The following KCNH1 variants were observed in gnomAD, a reference collection of about 807,000 sequenced individuals.
The protein encoded by KCNH1 is voltage-gated delayed rectifier potassium channel KCNH1.
In KCNH1, 27 loss-of-function variants were observed where a neutral mutation model predicts 69.2. The observed-to-expected ratio is 0.39, with a 90% confidence interval of 0.29 to 0.54. The LOEUF is 0.54. Ranked by LOEUF, KCNH1 falls within the 20% of genes least tolerant of loss-of-function variation. The pLI is 0.68. For synonymous variants in KCNH1, 456 were observed against 487.7 expected, an observed-to-expected ratio of 0.93 and a Z score of 0.86; for missense variants, 798 against 1,261.6, an observed-to-expected ratio of 0.63 and a Z score of 5.57.
At chr1:211,041,905 C>T (rs1481640567) in intron 5 of KCNH1, among the ~76,000 whole-genome samples, 8 of 152,234 alleles carry the variant, frequency 5.3e-5, no homozygotes, top group African/African-American at 1.9e-4. Context: ...CAGATGCATG[C>T]CAACACGACC....
intron 5 of KCNH1, among the ~76,000 whole-genome samples, chr1:211,077,941 G>T (rs1315875510): frequency 8.6e-6 from 1 of 116,936 alleles, no homozygotes; most frequent in Non-Finnish European, 1.9e-5. Flanking sequence ...AAAGCAAAAA[G>T]AAAAAAAAAA....
At chr1:211,019,572 C>T (rs1689552447) in intron 5 of KCNH1, among the ~76,000 whole-genome samples, 1 of 152,172 alleles carries the variant, frequency 6.6e-6, no homozygotes, top group South Asian at 2.1e-4. Context: ...TGGCTCAATT[C>T]TAAATACACC....
intron 7 of KCNH1, among the ~76,000 whole-genome samples, chr1:210,905,214 T>C (rs1014977890): frequency 5.9e-5 from 9 of 152,200 alleles, no homozygotes; most frequent in Admixed American, 1.3e-4. Flanking sequence ...TTTAGGCAAA[T>C]GACTTATCAC....
At chr1:211,054,451 G>T (rs1170855809) in intron 5 of KCNH1, among the ~76,000 whole-genome samples, 1 of 152,054 alleles carries the variant, frequency 6.6e-6, no homozygotes, top group Admixed American at 6.6e-5. Flanking sequence ...GCTACTCAAG[G>T]ATATACTTCA....
intron 5 of KCNH1, among the ~76,000 whole-genome samples, chr1:211,076,947 G>A (rs1690744990): frequency 6.6e-6 from 1 of 152,172 alleles, no homozygotes; most frequent in Non-Finnish European, 1.5e-5. Flanking sequence ...CATGGCACAA[G>A]AACTATGCGA....
At chr1:211,038,881 G>A (rs1689944557) in intron 5 of KCNH1, among the ~76,000 whole-genome samples, 2 of 152,234 alleles carry the variant, frequency 1.3e-5, no homozygotes, top group Non-Finnish European at 2.9e-5. Flanking sequence ...TGCAGCCTAT[G>A]TGATAGAAAA....
intron 6 of KCNH1, among the ~76,000 whole-genome samples, chr1:210,928,706 A>T (rs1269670274): frequency 6.6e-6 from 1 of 152,178 alleles, no homozygotes; most frequent in Non-Finnish European, 1.5e-5. Flanking sequence ...ACAAAGATAG[A>T]GCAGAACTAA....
intron 5 of KCNH1, among the ~76,000 whole-genome samples, chr1:211,031,204 A>G (rs1254759576): frequency 6.6e-6 from 1 of 152,216 alleles, no homozygotes; most frequent in Non-Finnish European, 1.5e-5. Context: ...AAGAAGTTGA[A>G]TCTCTGAACA....
intron 6 of KCNH1, among the ~76,000 whole-genome samples, chr1:210,971,901 A>G (rs1052489432): frequency 2.0e-5 from 3 of 152,060 alleles, no homozygotes; most frequent in African/African-American, 4.8e-5. Flanking sequence ...GAAATGGTGG[A>G]TTTAGTGTGC....
chr1:210,831,122 A>C (rs2102439354), intron 7 of KCNH1, among the ~76,000 whole-genome samples: 1 of 152,338 alleles, frequency 6.6e-6, no homozygotes, highest in Middle Eastern at 3.4e-3. Flanking sequence ...ACACCTGCAA[A>C]CACAGACTTC....
intron 6 of KCNH1, among the ~76,000 whole-genome samples, chr1:210,975,996 A>C (rs1044867659): frequency 1.3e-5 from 2 of 152,256 alleles, no homozygotes; most frequent in African/African-American, 4.8e-5. Flanking sequence ...ACACACATGA[A>C]AAAATGCTCA....
chr1:210,999,928 A>C (rs541619877), intron 6 of KCNH1, among the ~76,000 whole-genome samples: 160 of 152,344 alleles, frequency 1.1e-3, no homozygotes, highest in Non-Finnish European at 1.8e-3. Flanking sequence ...TGATTATCTC[A>C]ATAGATGCAG....
chr1:210,687,367 G>A (rs1487089558), intron 10 of KCNH1, among the ~76,000 whole-genome samples: 1 of 152,188 alleles, frequency 6.6e-6, no homozygotes, highest in African/African-American at 2.4e-5. Context: ...GGTCGACGTG[G>A]GCAGTTCAGA....
At chr1:211,050,989 T>TGTTGTTG (rs1553374621) in intron 5 of KCNH1, among the ~76,000 whole-genome samples, 1 of 150,384 alleles carries the variant, frequency 6.6e-6, no homozygotes, top group African/African-American at 2.5e-5. Context: ...ATATTTTTGT[T>TGTTGTTG]TTGTTGTTGT....
In KCNH1 at chr1:210,821,802, C is replaced by CTATTTATT. The variant is rs71767944; in HGVS notation, c.1463-17644_1463-17637dup. ...ACTTGGTCCAATAGATTAACTCCAG[C>CTATTTATT]TATTTATTTATTTATTTATTTATTT... On this transcript the variant is annotated intron_variant, in intron 7 of 10. Transcript: ENST00000271751. Among the ~76,000 whole-genome samples the CTATTTATT allele has an allele frequency of 2.9e-3, 412 of 142,524 alleles. 2 individuals carry two copies. The highest frequency in any genetic ancestry group is 4.9e-3 in the African/African-American group (186 of 38,234). The allele number at this position is 142,524 out of a possible 152,430, so 93.5% of individuals were successfully genotyped here. A position where few individuals can be genotyped will look rare whatever the true frequency, so the allele number is the denominator to read the frequency against.
At chr1:210,737,401 A>G (rs1039826327) in intron 10 of KCNH1, among the ~76,000 whole-genome samples, 1 of 152,214 alleles carries the variant, frequency 6.6e-6, no homozygotes, top group Non-Finnish European at 1.5e-5. Flanking sequence ...TTAGAACTAT[A>G]AACTTTTGTC....
intron 7 of KCNH1, among the ~76,000 whole-genome samples, chr1:210,834,169 G>C (rs1290720005): frequency 2.6e-5 from 4 of 151,946 alleles, no homozygotes; most frequent in Non-Finnish European, 5.9e-5. Context: ...ATTTGACCCA[G>C]TCATCCCATT....
chr1:210,832,279 T>C (rs1419543311), intron 7 of KCNH1, among the ~76,000 whole-genome samples: 2 of 152,214 alleles, frequency 1.3e-5, no homozygotes, highest in Admixed American at 6.5e-5. Flanking sequence ...CTTAGATGTT[T>C]GAGAGTCCTC....
intron 7 of KCNH1, among the ~76,000 whole-genome samples, chr1:210,877,956 C>T (rs1010761890): frequency 1.3e-5 from 2 of 152,152 alleles, no homozygotes; most frequent in Non-Finnish European, 2.9e-5. Context: ...AGTCACCTAA[C>T]TCTCTTCCTG....
Sources: allele counts gnomAD v4.1 joint callset (sites outside exome capture counted in the v4.1 genomes callset), GRCh38; gene constraint gnomAD v4.1.1; transcripts MANE v1.5; gene names NCBI Gene and HGNC (gene_info 2026-07-23, HGNC 2026-07-21).